The following AK5 variants were observed in gnomAD, a reference collection of about 807,000 sequenced individuals.
AK5 encodes adenylate kinase 5.
Under a neutral mutation model 69.5 loss-of-function variants are expected in AK5, and 27 were observed. The observed-to-expected ratio is 0.39, with a 90% CI of 0.29 to 0.54. The LOEUF is 0.54. Ranked by LOEUF, AK5 falls within the 20% of genes least tolerant of loss-of-function variation. The pLI is 0.71. For missense variants in AK5, 531 were observed against 700.4 expected, an observed-to-expected ratio of 0.76 and a Z score of 2.73; for synonymous variants, 260 against 244.4, an observed-to-expected ratio of 1.06 and a Z score of -0.60.
chr1:77,334,551 G>A (rs1453974), intron 5 of AK5, among the ~76,000 whole-genome samples: 2 of 152,110 alleles, frequency 1.3e-5, no homozygotes, highest in African/African-American at 4.8e-5. Flanking sequence ...TTTTCTCTCC[G>A]TTTCTAGAGC....
At chr1:77,365,035 G>T (rs1646927043) in intron 6 of AK5, among the ~76,000 whole-genome samples, 1 of 151,822 alleles carries the variant, frequency 6.6e-6, no homozygotes, top group Non-Finnish European at 1.5e-5. Context: ...AACATTTGTT[G>T]TTTTTTTTAT....
At chr1:77,375,334 A>G (rs1480885970) in intron 6 of AK5, among the ~76,000 whole-genome samples, 1 of 152,180 alleles carries the variant, frequency 6.6e-6, no homozygotes, top group Non-Finnish European at 1.5e-5. Flanking sequence ...GAGGCAGGTG[A>G]ACAATTTGAG....
At chr1:77,436,213 T>C (rs1373919400) in intron 8 of AK5, among the ~76,000 whole-genome samples, 1 of 152,138 alleles carries the variant, frequency 6.6e-6, no homozygotes, top group Non-Finnish European at 1.5e-5. Flanking sequence ...AAACAATCTT[T>C]AAATAACCTC....
At chr1:77,298,835 CAAA>C (rs759265923) in intron 5 of AK5, among the ~76,000 whole-genome samples, 6 of 151,956 alleles carry the variant, frequency 3.9e-5, no homozygotes, top group Non-Finnish European at 5.9e-5. Flanking sequence ...GACCCTGCTT[CAAA>C]AAAATTTTCT....
At chr1:77,542,478 T>C (rs764402924) in intron 13 of AK5, among the ~76,000 whole-genome samples, 7 of 152,148 alleles carry the variant, frequency 4.6e-5, no homozygotes, top group African/African-American at 9.7e-5. Flanking sequence ...CTGACTGATA[T>C]AAACATGGTT....
intron 11 of AK5, among the ~76,000 whole-genome samples, chr1:77,519,545 A>G (rs1657864986): frequency 6.6e-6 from 1 of 152,224 alleles, no homozygotes; most frequent in South Asian, 2.1e-4. Context: ...GCAAGTTGTA[A>G]AGTGAAAGGA....
At chr1:77,522,640 AGGGATACTCACAGG>A (rs1384079129) in intron 12 of AK5, among the ~76,000 whole-genome samples, 6 of 152,164 alleles carry the variant, frequency 3.9e-5, no homozygotes, top group African/African-American at 1.4e-4. Context: ...AGGGTGGGTC[AGGGATACTCACAGG>A]GGAGCAGCAG....
At position 77,384,127 on chromosome 1, in the gene AK5, A is replaced by C. The variant is rs143970502; in HGVS notation, c.892-26854A>C. Among the ~76,000 whole-genome samples, 486 of 152,252 alleles carry C rather than the reference A, an allele frequency of 3.2e-3. 2 individuals carry two copies. The highest frequency in any genetic ancestry group is 0.011 in the African/African-American group (469 of 41,554). On this transcript the variant is annotated intron_variant, in intron 6 of 13. Transcript: ENST00000354567. Reference sequence around the variant, plus strand: ...GCACGAACAGACATTATTTAGAAAAAAGTTCATACTTGGCTGTTAATCAGG... The same window carrying C: ...GCACGAACAGACATTATTTAGAAAACAGTTCATACTTGGCTGTTAATCAGG...
intron 5 of AK5, among the ~76,000 whole-genome samples, chr1:77,334,701 A>T (rs1661259777): frequency 1.3e-5 from 2 of 152,112 alleles, no homozygotes; most frequent in Non-Finnish European, 2.9e-5. Flanking sequence ...AAACACATTC[A>T]ATCACCTTAA....
intron 10 of AK5, among the ~76,000 whole-genome samples, chr1:77,500,576 C>T (rs888299619): frequency 6.6e-6 from 1 of 152,040 alleles, no homozygotes; most frequent in South Asian, 2.1e-4. Context: ...GTCAGGAGTT[C>T]GAGATCAGCC....
chr1:77,542,699 T>C (rs150696610), intron 13 of AK5, among the ~76,000 whole-genome samples: 137 of 152,322 alleles, frequency 9.0e-4, no homozygotes, highest in African/African-American at 3.1e-3. Flanking sequence ...TTTAAGACTA[T>C]AAAGGTAAAC....
chr1:77,363,141 C>G (rs1248187657), intron 6 of AK5, among the ~76,000 whole-genome samples: 1 of 152,186 alleles, frequency 6.6e-6, no homozygotes, highest in Non-Finnish European at 1.5e-5. Context: ...GTAACACATA[C>G]AGACTGACCC....
intron 13 of AK5, among the ~76,000 whole-genome samples, chr1:77,553,794 G>A (rs1202918893): frequency 1.3e-5 from 2 of 152,102 alleles, no homozygotes; most frequent in Non-Finnish European, 2.9e-5. Flanking sequence ...AGAAGGGGCG[G>A]GAATGTGAGT....
At chr1:77,488,398 T>C (rs113064501) in intron 10 of AK5, among the ~76,000 whole-genome samples, 5 of 152,084 alleles carry the variant, frequency 3.3e-5, no homozygotes, top group Non-Finnish European at 7.3e-5. Context: ...ATCCAGACCA[T>C]ACAGAGTCTT....
At chr1:77,558,480 G>GGC in intron 13 of AK5, 122 bp from the exon 14 acceptor site, 1 of 614,238 alleles carries the variant, frequency 1.6e-6, no homozygotes, top group East Asian at 2.9e-5. Flanking sequence ...TGTGTTTTGG[G>GGC]GGGGGTCTTG....
At chr1:77,305,914 A>C (rs1303527861) in intron 5 of AK5, among the ~76,000 whole-genome samples, 2 of 152,104 alleles carry the variant, frequency 1.3e-5, no homozygotes, top group African/African-American at 2.4e-5. Context: ...ATTAGATTGA[A>C]TCTATAGATT....
At chr1:77,282,736 CCCAGCAGCGAGTAAAG>C in intron 1 of AK5, 5 of 1,036,262 alleles carry the variant, frequency 4.8e-6, no homozygotes, top group Non-Finnish European at 5.8e-6. Context: ...TGCACTGTCG[CCCAGCAGCGAGTAAAG>C]ACTCGAAACT....
chr1:77,553,646 C>T lies in AK5; in HGVS notation c.1621-4956C>T, dbSNP rs533270222. On this transcript the variant is annotated intron_variant, in intron 13 of 13. Transcript: ENST00000354567. ...ACAGAAGAGTTGTATTTGAGTCTGT[C>T]CTCATGGAACTTCTTGGGGACCAGT... is the stretch of plus-strand genomic sequence containing the variant. Among the ~76,000 whole-genome samples the T allele has an allele frequency of 2.0e-5, 3 of 152,326 alleles. No homozygotes were observed. The South Asian group carries it at 6.2e-4, about 32-fold the overall frequency.
chr1:77,397,382 C>T (rs917371258), intron 6 of AK5, among the ~76,000 whole-genome samples: 29 of 152,138 alleles, frequency 1.9e-4, no homozygotes, highest in African/African-American at 5.8e-4. Context: ...GCGCTTCCTC[C>T]GTCATGAGGG....
Sources: allele counts gnomAD v4.1 joint callset (sites outside exome capture counted in the v4.1 genomes callset), GRCh38; gene constraint gnomAD v4.1.1; transcripts MANE v1.5; gene names NCBI Gene and HGNC (gene_info 2026-07-23, HGNC 2026-07-21).